The following ABCC12 variants were observed in gnomAD, a reference collection of about 807,000 sequenced individuals.
The protein encoded by ABCC12 is ATP-binding cassette sub-family C member 12.
A neutral mutation model predicts 151.1 loss-of-function variants in ABCC12; 142 were observed. The observed-to-expected ratio is 0.94, with a 90% CI of 0.82 to 1.08. ABCC12 has a LOEUF of 1.08. ABCC12 is among the 50% of genes least tolerant of loss of function. The probability of loss-of-function intolerance (pLI) is 0.00; values close to 1 mark genes in which losing one functional copy is unlikely to be tolerated. For missense variants in ABCC12, 1,638 were observed against 1,691.1 expected, an observed-to-expected ratio of 0.97 and a Z score of 0.55; for synonymous variants, 645 against 646.4, an observed-to-expected ratio of 1.00 and a Z score of 0.03.
chr16:48,142,067 G>A (rs1358285276), intron 4 of ABCC12, among the ~76,000 whole-genome samples: 1 of 152,200 alleles, frequency 6.6e-6, no homozygotes, highest in African/African-American at 2.4e-5. Context: ...TGAATAAGAT[G>A]TGGGAGGAAA....
At position 48,115,535 on chromosome 16, in the gene ABCC12, G is replaced by C. The variant is rs780650095; in HGVS notation, c.1869C>G (p.Leu623=). 1 of 1,614,194 alleles carries C rather than the reference G, an allele frequency of 6.2e-7. No individual in the cohort carries two copies. Among genetic ancestry groups the C allele is most frequent in the Non-Finnish European group, 8.5e-7 (1 of 1,180,040 alleles). ...LARAVYSDRQ[L]YLLDDPLSAV... The stretch of plus-strand genomic sequence containing the variant: ...CCGACAGGGGGTCGTCCAGCAGGTA[G>C]AGCTGACGGTCGGAGTAGACAGCGC... Residue 623 remains leucine, a synonymous_variant, in exon 15 of 31, where the codon CTC becomes CTG. Transcript: ENST00000311303.
intron 18 of ABCC12, among the ~76,000 whole-genome samples, chr16:48,110,391 G>C (rs1482732756): frequency 6.6e-6 from 1 of 151,998 alleles, no homozygotes; most frequent in African/African-American, 2.4e-5. Context: ...TTGATGAAAT[G>C]TGCGAAGTTT....
chr16:48,111,962 T>C (rs750318297), intron 15 of ABCC12, 52 bp from the exon 16 acceptor site: 2 of 1,585,850 alleles, frequency 1.3e-6, no homozygotes, highest in East Asian at 2.2e-5. Context: ...GGAGAGCCCA[T>C]GCCAAACTCC....
At chr16:48,112,871 C>T (rs941822951) in intron 15 of ABCC12, among the ~76,000 whole-genome samples, 1 of 152,168 alleles carries the variant, frequency 6.6e-6, no homozygotes, top group African/African-American at 2.4e-5. Flanking sequence ...ATGCTGGCAT[C>T]CCACATTTTG....
chr16:48,084,357 G>C (rs773176751), intron 29 of ABCC12, among the ~76,000 whole-genome samples: 6 of 152,156 alleles, frequency 3.9e-5, no homozygotes, highest in African/African-American at 1.4e-4. Flanking sequence ...AAACTCATAG[G>C]GAGACAGGCT....
In ABCC12 at chr16:48,082,205, T is replaced by A. The variant is rs1202028229; in HGVS notation, c.*1510A>T. On this transcript the variant is annotated 3_prime_UTR_variant, in exon 31 of 31. Coordinates refer to ENST00000311303, the MANE Select transcript of ABCC12 (RefSeq NM_001393797.1). Reference sequence around the variant, plus strand: ...CTCAGCCACATGTCTTAGTGCACCCTCTGCTGAGGGCAGGATCCATTGCTG... The same window carrying A: ...CTCAGCCACATGTCTTAGTGCACCCACTGCTGAGGGCAGGATCCATTGCTG... Among the ~76,000 whole-genome samples, 1 of 152,298 alleles carries A rather than the reference T, an allele frequency of 6.6e-6. No individual in the cohort carries two copies. Among genetic ancestry groups the A allele is most frequent in the Admixed American group, 6.5e-5 (1 of 15,304 alleles).
In ABCC12 at chr16:48,104,179, C is replaced by T. The variant is rs200276015; in HGVS notation, c.2863G>A (p.Val955Met). Reference sequence around the variant, plus strand: ...AAGAAGCCTACAGCAAGGCTGGCCACGACTAAAAGGACAGCAGGAAACACA... The same window carrying T: ...AAGAAGCCTACAGCAAGGCTGGCCATGACTAAAAGGACAGCAGGAAACACA... The part of the protein sequence containing the change: ...AAVFPAVLLV[V>M]ASLAVGFFIL... Residue 955 changes from valine (V) to methionine (M), a missense_variant, in exon 22 of 31, where the codon GTG (valine) becomes ATG (methionine). Coordinates refer to ENST00000311303, the MANE Select transcript of ABCC12 (RefSeq NM_001393797.1). The T allele has an allele frequency of 5.1e-5, 83 of 1,614,084 alleles. No individual in the cohort carries two copies. The highest frequency in any genetic ancestry group is 1.6e-4 in the Middle Eastern group (1 of 6,084).
intron 9 of ABCC12, 117 bp downstream of exon 9, chr16:48,133,570 G>T: frequency 8.1e-7 from 1 of 1,241,884 alleles, no homozygotes; most frequent in Non-Finnish European, 1.1e-6. Flanking sequence ...ACATCCTGTG[G>T]CCTGCCATGA....
chr16:48,129,252 G>A (rs1390411290), intron 10 of ABCC12, among the ~76,000 whole-genome samples: 1 of 152,212 alleles, frequency 6.6e-6, no homozygotes, highest in Non-Finnish European at 1.5e-5. Context: ...GGAGGGAGAT[G>A]AGAACATGCA....
intron 3 of ABCC12, among the ~76,000 whole-genome samples, chr16:48,145,017 T>C (rs1964951164): frequency 6.6e-6 from 1 of 152,208 alleles, no homozygotes; most frequent in African/African-American, 2.4e-5. Context: ...TCAAACCCAC[T>C]GCTTGTTGAC....
intron 22 of ABCC12, among the ~76,000 whole-genome samples, chr16:48,103,605 A>G (rs889485501): frequency 6.6e-6 from 1 of 152,092 alleles, no homozygotes; most frequent in African/African-American, 2.4e-5. Flanking sequence ...CTGATTTGCA[A>G]CCCTTTGCCC....
chr16:48,115,319 A>T (rs1343611306), intron 15 of ABCC12, 96 bp downstream of exon 15: 3 of 1,362,618 alleles, frequency 2.2e-6, no homozygotes, highest in Admixed American at 1.9e-5. Context: ...TCCCAGCTGA[A>T]GACAGGCAGA....
chr16:48,120,646 C>T (rs1410498865), intron 13 of ABCC12, among the ~76,000 whole-genome samples: 1 of 151,532 alleles, frequency 6.6e-6, no homozygotes, highest in Non-Finnish European at 1.5e-5. Context: ...ACCTCCACCT[C>T]CCGGGTTCAA....
intron 11 of ABCC12, among the ~76,000 whole-genome samples, chr16:48,126,123 G>A (rs1412609935): frequency 6.6e-6 from 1 of 152,186 alleles, no homozygotes; most frequent in African/African-American, 2.4e-5. Flanking sequence ...ATATGTCAGT[G>A]ACTCTGGAAT....
intron 14 of ABCC12, among the ~76,000 whole-genome samples, chr16:48,116,526 G>A (rs988347830): frequency 6.6e-6 from 1 of 152,194 alleles, no homozygotes; most frequent in African/African-American, 2.4e-5. Context: ...AGGCTAGGAA[G>A]TGAGTGGACA....
chr16:48,147,078 C>A (rs1456830277), intron 2 of ABCC12, among the ~76,000 whole-genome samples: 8 of 152,182 alleles, frequency 5.3e-5, no homozygotes, highest in Admixed American at 5.2e-4. Flanking sequence ...AGAACTTCAA[C>A]AACACCACCC....
Position 48,108,517 on chromosome 16 carries a change from T to A in ABCC12, c.2294A>T (p.Gln765Leu). Residue 765 changes from glutamine to leucine, a missense_variant, in exon 19 of 31, where the codon CAG becomes CTG. By Grantham distance (113) the Gln-to-Leu change is moderately radical. Coordinates refer to ENST00000311303, the MANE Select transcript of ABCC12 (RefSeq NM_001393797.1). ...EFVDTKVPEH[Q>L]LIQTESPQEG... Reference sequence around the variant, plus strand: ...CTGGGGGGATTCAGTCTGGATGAGCTGGTGCTCAGGAACTGTGGAGACAAA... The same window carrying A: ...CTGGGGGGATTCAGTCTGGATGAGCAGGTGCTCAGGAACTGTGGAGACAAA... 1 of 1,614,100 alleles carries A rather than the reference T, an allele frequency of 6.2e-7. No individual in the cohort carries two copies. Among genetic ancestry groups the A allele is most frequent in the Non-Finnish European group, 8.5e-7 (1 of 1,179,990 alleles).
In ABCC12 at chr16:48,138,314, C is replaced by T. The variant is rs535899598; in HGVS notation, c.893G>A (p.Arg298Gln). 5 of 1,613,842 alleles carry T rather than the reference C, an allele frequency of 3.1e-6. No homozygotes were observed. The highest frequency in any genetic ancestry group is 1.3e-5 in the African/African-American group (1 of 74,908). ...RRSAILVTDK[R>Q]VQTMNEFLTC... Reference sequence around the variant, plus strand: ...CAGAAACTCATTCATTGTCTGAACTCGCTTGTCTGTCACCAAAATTGCTGA... The same window carrying T: ...CAGAAACTCATTCATTGTCTGAACTTGCTTGTCTGTCACCAAAATTGCTGA... Residue 298 changes from arginine to glutamine, a missense_variant, in exon 8 of 31, where the codon CGA (arginine) becomes CAA (glutamine). Physicochemically the swap from Arg to Gln is conservative, Grantham distance 43. Coordinates refer to ENST00000311303, the MANE Select transcript of ABCC12 (RefSeq NM_001393797.1).
chr16:48,099,316 G>A (rs538495837), intron 23 of ABCC12, among the ~76,000 whole-genome samples: 2 of 152,244 alleles, frequency 1.3e-5, no homozygotes, highest in East Asian at 3.9e-4. Context: ...AGAATCGCTT[G>A]AACCCAGGAG....
Sources: gnomAD v4.1 joint callset for allele counts (sites outside exome capture counted in the v4.1 genomes callset) on GRCh38, gnomAD v4.1.1 for gene constraint, MANE v1.5 for transcripts, NCBI Gene and HGNC (gene_info 2026-07-23, HGNC 2026-07-21) for gene names.